The following SLC4A8 variants were observed in gnomAD, a reference collection of about 807,000 sequenced individuals.
SLC4A8 encodes electroneutral sodium bicarbonate exchanger 1.
Under a neutral mutation model 125.0 loss-of-function variants are expected in SLC4A8, and 40 were observed. The observed-to-expected ratio is 0.32, with a 90% CI of 0.25 to 0.42. The LOEUF (loss-of-function observed/expected upper bound fraction) is 0.42, where lower values mean the gene tolerates loss of function less well. Among genes scored for constraint, SLC4A8 ranks in the 10% least tolerant of loss-of-function variants. The probability of loss-of-function intolerance (pLI) is 1.00; values close to 1 mark genes in which losing one functional copy is unlikely to be tolerated. For synonymous variants in SLC4A8, 456 were observed against 476.0 expected, an observed-to-expected ratio of 0.96 and a Z score of 0.55; for missense variants, 863 against 1,355.1, an observed-to-expected ratio of 0.64 and a Z score of 5.70.
At chr12:51,500,877 T>G (rs1415043049) in intron 22 of SLC4A8, among the ~76,000 whole-genome samples, 1 of 151,148 alleles carries the variant, frequency 6.6e-6, no homozygotes, top group Non-Finnish European at 1.5e-5. Context: ...TCTTTCTTTC[T>G]TTATTTTTAT....
At chr12:51,496,926 T>TAA (rs1442324690) in intron 21 of SLC4A8, 61 bp from the exon 22 acceptor site, 8 of 1,562,350 alleles carry the variant, frequency 5.1e-6, no homozygotes, top group Non-Finnish European at 1.7e-6. Context: ...AAGGCTTTGC[T>TAA]TTTAAGTCCA....
chr12:51,424,320 G>A (rs1948888268), upstream of SLC4A8, among the ~76,000 whole-genome samples: 1 of 151,826 alleles, frequency 6.6e-6, no homozygotes, highest in African/African-American at 2.4e-5. Context: ...CCCTGTCCGT[G>A]TGTTTTGCTT....
chr12:51,435,725 C>T (rs1949385446), intron 1 of SLC4A8, among the ~76,000 whole-genome samples: 1 of 152,182 alleles, frequency 6.6e-6, no homozygotes, highest in Admixed American at 6.5e-5. Flanking sequence ...TACTGATGCT[C>T]AAATTGTCCT....
intron 1 of SLC4A8, among the ~76,000 whole-genome samples, chr12:51,436,339 G>A (rs1949412152): frequency 6.6e-6 from 1 of 152,122 alleles, no homozygotes; most frequent in African/African-American, 2.4e-5. Context: ...TGCCACTGAG[G>A]ATGTTCAGTC....
chr12:51,421,391 T>C (rs1281601416), upstream of SLC4A8, among the ~76,000 whole-genome samples: 2 of 152,244 alleles, frequency 1.3e-5, no homozygotes, highest in African/African-American at 4.8e-5. Context: ...GTGCCCCAGA[T>C]AGCAGCAGCC....
intron 1 of SLC4A8, among the ~76,000 whole-genome samples, chr12:51,412,925 A>G (rs1051099907): frequency 6.6e-6 from 1 of 152,248 alleles, no homozygotes; most frequent in Non-Finnish European, 1.5e-5. Context: ...TCCTTTGGAT[A>G]AATACCCAGT....
chr12:51,440,177 T>C (rs533779149), intron 1 of SLC4A8, among the ~76,000 whole-genome samples: 1 of 152,268 alleles, frequency 6.6e-6, no homozygotes, highest in Admixed American at 6.5e-5. Flanking sequence ...ATGGGACAAC[T>C]TGCTTCACAG....
chr12:51,495,138 AT>A lies in SLC4A8; in HGVS notation c.2943+21del. ...ATGATGGTGAGGTGGTTTTTAAAAA[AT>A]AAATTCTTATTATCATTGTTATTTT... On this transcript the variant is annotated intron_variant, in intron 21 of 24. Coordinates refer to ENST00000453097, the MANE Select transcript of SLC4A8 (RefSeq NM_001039960.3). 1 of 1,572,306 alleles carries A rather than the reference AT, an allele frequency of 6.4e-7. No individual in the cohort carries two copies. The highest frequency in any genetic ancestry group is 1.2e-5 in the South Asian group (1 of 85,344).
At chr12:51,453,358 T>C (rs1205009846) in intron 4 of SLC4A8, among the ~76,000 whole-genome samples, 181 bp from the exon 5 acceptor site, 1 of 152,248 alleles carries the variant, frequency 6.6e-6, no homozygotes, top group Non-Finnish European at 1.5e-5. Flanking sequence ...CTATACTCAA[T>C]CTTGCAGTGT....
At chr12:51,419,168 C>T (rs922233855) in intron 1 of SLC4A8, among the ~76,000 whole-genome samples, 6 of 152,228 alleles carry the variant, frequency 3.9e-5, no homozygotes, top group South Asian at 2.1e-4. Flanking sequence ...CTGCTATTAA[C>T]TGCCCTGGGC....
At chr12:51,411,024 G>A (rs1423600093) in intron 1 of SLC4A8, among the ~76,000 whole-genome samples, 4 of 145,906 alleles carry the variant, frequency 2.7e-5, no homozygotes, top group African/African-American at 7.6e-5. Flanking sequence ...ACAAGTGTGA[G>A]CCACTGCTCC....
At chr12:51,468,917 C>T (rs1348622661) in intron 11 of SLC4A8, among the ~76,000 whole-genome samples, 1 of 152,190 alleles carries the variant, frequency 6.6e-6, no homozygotes, top group Non-Finnish European at 1.5e-5. Flanking sequence ...CTAAGTGTCA[C>T]CCATGTTGGC....
intron 1 of SLC4A8, among the ~76,000 whole-genome samples, chr12:51,438,576 G>A (rs780567717): frequency 1.8e-4 from 27 of 152,158 alleles, no homozygotes; most frequent in Non-Finnish European, 3.4e-4. Flanking sequence ...TATGAATAGT[G>A]CTGCGATAAA....
At chr12:51,418,755 A>AAT (rs1364862868) in intron 1 of SLC4A8, among the ~76,000 whole-genome samples, 1 of 152,120 alleles carries the variant, frequency 6.6e-6, no homozygotes. Flanking sequence ...TCTTTTTTAA[A>AAT]ATATATATAT....
chr12:51,477,318 T>C (rs1164560271), intron 16 of SLC4A8, among the ~76,000 whole-genome samples: 1 of 152,196 alleles, frequency 6.6e-6, no homozygotes, highest in East Asian at 1.9e-4. Context: ...ACAAAACCTG[T>C]GATGGTTTGG....
At chr12:51,487,920 G>A (rs563809110) in intron 17 of SLC4A8, among the ~76,000 whole-genome samples, 19 of 152,286 alleles carry the variant, frequency 1.2e-4, no homozygotes, top group South Asian at 8.3e-4. Flanking sequence ...GAGAGAAGTC[G>A]TAGGAGAATA....
intron 1 of SLC4A8, among the ~76,000 whole-genome samples, chr12:51,438,968 C>G (rs886231882): frequency 6.6e-6 from 1 of 152,110 alleles, no homozygotes; most frequent in Non-Finnish European, 1.5e-5. Flanking sequence ...ATTTATAGAG[C>G]ACTGTTATGT....
At chr12:51,440,378 G>A (rs1305603531) in intron 1 of SLC4A8, among the ~76,000 whole-genome samples, 2 of 151,178 alleles carry the variant, frequency 1.3e-5, no homozygotes, top group Non-Finnish European at 2.9e-5. Context: ...TTGTATCACT[G>A]CAATATAGCC....
intron 22 of SLC4A8, among the ~76,000 whole-genome samples, chr12:51,499,275 C>A (rs913389138): frequency 6.6e-6 from 1 of 152,100 alleles, no homozygotes; most frequent in African/African-American, 2.4e-5. Flanking sequence ...GTAAGACTGT[C>A]AAAGAATCTC....
Sources: gnomAD v4.1 joint callset for allele counts (sites outside exome capture counted in the v4.1 genomes callset) on GRCh38, gnomAD v4.1.1 for gene constraint, MANE v1.5 for transcripts, NCBI Gene and HGNC (gene_info 2026-07-23, HGNC 2026-07-21) for gene names.